The following ENPP6 variants were observed in gnomAD, a reference collection of about 807,000 sequenced individuals.
The protein encoded by ENPP6 is ectonucleotide pyrophosphatase/phosphodiesterase 6.
A neutral mutation model predicts 42.0 loss-of-function variants in ENPP6; 32 were observed. That is an observed-to-expected ratio of 0.76 (90% CI 0.58 to 1.02). The LOEUF (loss-of-function observed/expected upper bound fraction) is 1.02, where lower values mean the gene tolerates loss of function less well. Ranked by LOEUF, ENPP6 falls within the 50% of genes least tolerant of loss-of-function variation. The pLI is 0.00. For synonymous variants in ENPP6, 213 were observed against 216.0 expected (o/e 0.99, Z 0.12); for missense variants, 552 against 566.8 (o/e 0.97, Z 0.27).
intron 6 of ENPP6, among the ~76,000 whole-genome samples, chr4:184,103,521 G>T (rs574084072): frequency 8.7e-4 from 132 of 152,328 alleles, no homozygotes; most frequent in African/African-American, 3.0e-3. Context: ...CTAAGAAAAG[G>T]CACCAACAAT....
chr4:184,185,871 T>C (rs893447566), intron 1 of ENPP6, among the ~76,000 whole-genome samples: 10 of 152,216 alleles, frequency 6.6e-5, no homozygotes, highest in African/African-American at 2.2e-4. Context: ...TTTTGGCCAT[T>C]GAGAAAACCT....
rs1736601578 is a variant in ENPP6, at chr4:184,131,035, C to T, written c.422-6763G>A. Reference sequence around the variant, plus strand: ...GTATGCATTTCTGTTAGGATACACGCATTAAGAGAAGAGCTCGATTTGGGG... The same window carrying T: ...GTATGCATTTCTGTTAGGATACACGTATTAAGAGAAGAGCTCGATTTGGGG... On this transcript the variant is annotated intron_variant, in intron 2 of 7. Coordinates refer to ENST00000296741, the MANE Select transcript of ENPP6 (RefSeq NM_153343.4). 4.6e-5 allele frequency among the ~76,000 whole-genome samples: 7 copies of T among 152,170 alleles called. No individual in the cohort carries two copies. In the South Asian group the frequency reaches 1.4e-3, roughly 31 times the overall value.
chr4:184,151,356 G>A (rs1420259353), intron 2 of ENPP6, among the ~76,000 whole-genome samples: 1 of 152,116 alleles, frequency 6.6e-6, no homozygotes, highest in Non-Finnish European at 1.5e-5. Context: ...AGGAGATAAA[G>A]CACAATAATA....
At chr4:184,173,061 G>A (rs948916900) in intron 1 of ENPP6, among the ~76,000 whole-genome samples, 1 of 152,068 alleles carries the variant, frequency 6.6e-6, no homozygotes, top group Admixed American at 6.5e-5. Context: ...CCGTCACCAT[G>A]CCCAGCTAAT....
chr4:184,144,899 G>A (rs971216038), intron 2 of ENPP6, among the ~76,000 whole-genome samples: 4 of 152,260 alleles, frequency 2.6e-5, no homozygotes, highest in African/African-American at 9.6e-5. Flanking sequence ...ACTGAGGACT[G>A]TTAGGATGAA....
intron 7 of ENPP6, among the ~76,000 whole-genome samples, chr4:184,091,749 A>G (rs954887961): frequency 6.6e-6 from 1 of 152,090 alleles, no homozygotes; most frequent in African/African-American, 2.4e-5. Context: ...TCTAAAAAAA[A>G]TTTTTTAAAC....
chr4:184,166,103 T>A (rs1367641999), intron 1 of ENPP6, among the ~76,000 whole-genome samples: 1 of 152,240 alleles, frequency 6.6e-6, no homozygotes, highest in Non-Finnish European at 1.5e-5. Flanking sequence ...TTTATTTTTT[T>A]AATGTGTTCA....
intron 2 of ENPP6, among the ~76,000 whole-genome samples, chr4:184,147,299 G>A (rs1402096611): frequency 6.6e-6 from 1 of 152,198 alleles, no homozygotes; most frequent in African/African-American, 2.4e-5. Context: ...CCCAGTCTGA[G>A]CGATGCTCAC....
At position 184,200,548 on chromosome 4, in the gene ENPP6, C is replaced by T. The variant is rs545277374; in HGVS notation, c.241+17031G>A. Among the ~76,000 whole-genome samples, 5 of 152,336 alleles carry T rather than the reference C, an allele frequency of 3.3e-5. No individual in the cohort carries two copies. The South Asian group carries it at 1.0e-3, about 32-fold the overall frequency. On this transcript the variant is annotated intron_variant, in intron 1 of 7. Transcript: ENST00000296741. ...CGCACTCACTAAATGCACAACCAAC[C>T]TCAGGGCTCCATTTGTCTGGTCTTC...
intron 1 of ENPP6, among the ~76,000 whole-genome samples, chr4:184,211,556 A>G (rs1370472468): frequency 6.6e-6 from 1 of 152,268 alleles, no homozygotes; most frequent in Non-Finnish European, 1.5e-5. Context: ...TGAATCTCTG[A>G]ATAGACCAAT....
At chr4:184,158,372 C>T (rs1160753074) in intron 1 of ENPP6, among the ~76,000 whole-genome samples, 1 of 151,076 alleles carries the variant, frequency 6.6e-6, no homozygotes, top group Non-Finnish European at 1.5e-5. Flanking sequence ...CTGTGCAAGC[C>T]AAAACCATGA....
intron 2 of ENPP6, among the ~76,000 whole-genome samples, chr4:184,131,796 A>AACACACACACACACACACACACAC (rs140275578): frequency 7.1e-6 from 1 of 140,586 alleles, no homozygotes; most frequent in African/African-American, 2.7e-5. Flanking sequence ...GGACCAATAG[A>AACACACACACACACACACACACAC]ACACACACAC....
In ENPP6 at chr4:184,116,983, A is replaced by G; in HGVS notation, c.728T>C (p.Met243Thr). 1 of 1,614,208 alleles carries G rather than the reference A, an allele frequency of 6.2e-7. No individual in the cohort carries two copies. The highest frequency in any genetic ancestry group is 1.1e-5 in the South Asian group (1 of 91,072). The change falls in exon 5 of 8, where the codon ATG (methionine) becomes ACG (threonine). Residue 243 changes from methionine to threonine, a missense_variant. Physicochemically the swap from Met to Thr is moderately conservative, Grantham distance 81. Transcript: ENST00000296741. ...TTTGTCCATCCAGAAAATGTCGGTC[A>G]TTCCGTGATCCGAGAAAATAATGAC... Reference protein sequence around the residue: ...LNVIIFSDHGMTDIFWMDKVI... With the variant: ...LNVIIFSDHGTTDIFWMDKVI...
chr4:184,211,274 C>A (rs1733104063), intron 1 of ENPP6, among the ~76,000 whole-genome samples: 1 of 152,114 alleles, frequency 6.6e-6, no homozygotes, highest in African/African-American at 2.4e-5. Context: ...ACAAAAAACC[C>A]TTCAAAAAAT....
At chr4:184,172,220 C>T (rs1737480578) in intron 1 of ENPP6, among the ~76,000 whole-genome samples, 2 of 152,130 alleles carry the variant, frequency 1.3e-5, no homozygotes, top group South Asian at 4.1e-4. Context: ...TTAGATTTTA[C>T]TCGAGGCATA....
chr4:184,131,179 T>TTCTGTCTGTCTGTCTGTCTG (rs763881677), intron 2 of ENPP6, among the ~76,000 whole-genome samples: 10 of 62,352 alleles, frequency 1.6e-4, no homozygotes, highest in African/African-American at 6.6e-4. Flanking sequence ...CTTTCTTTCT[T>TTCTGTCTGTCTGTCTGTCTG]TCTTTCTTTC....
At chr4:184,109,487 G>A (rs780161959) in intron 6 of ENPP6, among the ~76,000 whole-genome samples, 5 of 152,170 alleles carry the variant, frequency 3.3e-5, no homozygotes, top group East Asian at 1.9e-4. Context: ...GGATCCGGGC[G>A]TGATACATGA....
intron 6 of ENPP6, among the ~76,000 whole-genome samples, chr4:184,099,555 G>A (rs1735965941): frequency 6.6e-6 from 1 of 152,192 alleles, no homozygotes; most frequent in Admixed American, 6.5e-5. Flanking sequence ...GTATGCAGCC[G>A]GGCAGTGTGG....
intron 2 of ENPP6, among the ~76,000 whole-genome samples, chr4:184,135,070 T>G (rs1579628170): frequency 6.6e-6 from 1 of 152,124 alleles, no homozygotes; most frequent in Non-Finnish European, 1.5e-5. Flanking sequence ...CACATTCTGA[T>G]GATTTCAGAC....
Sources: allele counts gnomAD v4.1 joint callset (sites outside exome capture counted in the v4.1 genomes callset), GRCh38; gene constraint gnomAD v4.1.1; transcripts MANE v1.5; gene names NCBI Gene and HGNC (gene_info 2026-07-23, HGNC 2026-07-21).